Variants in HECW1 observed in about 807,000 individuals in gnomAD.
The protein encoded by HECW1 is E3 ubiquitin-protein ligase HECW1.
HECW1 carries 61 observed loss-of-function variants against 182.3 expected under a neutral mutation model. The observed-to-expected ratio is 0.33, with a 90% CI of 0.27 to 0.41. The LOEUF (loss-of-function observed/expected upper bound fraction) is 0.41. HECW1 is among the 10% of genes least tolerant of loss of function. HECW1 has a pLI of 1.00. For missense variants in HECW1, 1,739 were observed against 2,108.9 expected, an observed-to-expected ratio of 0.82 and a Z score of 3.44; for synonymous variants, 859 against 832.6, an observed-to-expected ratio of 1.03 and a Z score of -0.55.
At chr7:43,260,915 A>G (rs932348021) in intron 3 of HECW1, among the ~76,000 whole-genome samples, 1 of 152,226 alleles carries the variant, frequency 6.6e-6, no homozygotes, top group African/African-American at 2.4e-5. Context: ...TGTGCCAAGC[A>G]CTATTCTAAG....
intron 2 of HECW1, among the ~76,000 whole-genome samples, chr7:43,173,442 C>T (rs2152669190): frequency 6.6e-6 from 1 of 152,298 alleles, no homozygotes; most frequent in East Asian, 1.9e-4. Flanking sequence ...ATAAAGTTCT[C>T]TAGGGCAGCA....
In HECW1 at chr7:43,463,789, G is replaced by C; in HGVS notation, c.2781G>C (p.Gln927His). 1.2e-6 allele frequency: 2 copies of C among 1,613,946 alleles called. No individual in the cohort carries two copies. The highest frequency in any genetic ancestry group is 1.7e-6 in the Non-Finnish European group (2 of 1,179,982). Reference sequence around the variant, plus strand: ...GTGACTCAGAAGCCGAATCTTCCCAGTCCAGCTTAGGTATTGGAGGAGGGG... The same window carrying C: ...GTGACTCAGAAGCCGAATCTTCCCACTCCAGCTTAGGTATTGGAGGAGGGG... ...GGSDSEAESS[Q>H]SSLDLRREGS... The change falls in exon 14 of 30, where the codon CAG becomes CAC. Residue 927 changes from glutamine (Q) to histidine (H), a missense_variant. Gln to His is a conservative substitution (Grantham distance 24, BLOSUM62 0). Coordinates refer to ENST00000395891, the MANE Select transcript of HECW1 (RefSeq NM_015052.5).
chr7:43,541,441 G>T (rs920821119), intron 25 of HECW1, among the ~76,000 whole-genome samples, 180 bp downstream of exon 25: 3 of 152,166 alleles, frequency 2.0e-5, no homozygotes, highest in African/African-American at 4.8e-5. Flanking sequence ...CAATAAAAAG[G>T]TATTTGGGGA....
intron 21 of HECW1, among the ~76,000 whole-genome samples, chr7:43,501,544 T>C (rs1443459716): frequency 6.6e-6 from 1 of 151,952 alleles, no homozygotes; most frequent in Non-Finnish European, 1.5e-5. Flanking sequence ...GGGAAAAAAA[T>C]GTTTTGCTGG....
chr7:43,245,069 C>T (rs933397357), intron 3 of HECW1, among the ~76,000 whole-genome samples: 1 of 152,208 alleles, frequency 6.6e-6, no homozygotes, highest in Non-Finnish European at 1.5e-5. Context: ...ATGAGCATAG[C>T]ATGTGTTGGA....
intron 26 of HECW1, among the ~76,000 whole-genome samples, chr7:43,542,472 A>G (rs2081399302): frequency 6.6e-6 from 1 of 151,392 alleles, no homozygotes; most frequent in South Asian, 2.1e-4. Flanking sequence ...ATATGTATAT[A>G]AAATATTCCT....
In HECW1 at chr7:43,445,104, G is replaced by A. The variant is rs1344103482; in HGVS notation, c.1932G>A (p.Ala644=). ...GGHFPSLANG[A]AQDGDTHPST... ...ACTTCCCCAGCCTGGCCAATGGCGC[G>A]GCCCAGGATGGCGACACGCACCCCA... is the stretch of plus-strand genomic sequence containing the variant. The change falls in exon 11 of 30, where the codon GCG becomes GCA. Residue 644 remains alanine (A), a synonymous_variant. Transcript: ENST00000395891. The A allele has an allele frequency of 3.1e-6, 5 of 1,606,074 alleles. No individual in the cohort carries two copies. Among genetic ancestry groups the A allele is most frequent in the South Asian group, 1.1e-5 (1 of 90,768 alleles).
At chr7:43,292,703 A>G (rs73689973) in intron 3 of HECW1, among the ~76,000 whole-genome samples, 4,757 of 152,256 alleles carry the variant, frequency 0.031, 205 homozygotes, top group African/African-American at 0.1. Context: ...CATGTCACCC[A>G]GCACCCGGGG....
intron 24 of HECW1, among the ~76,000 whole-genome samples, chr7:43,525,033 T>G (rs368228857): frequency 2.0e-5 from 3 of 152,330 alleles, no homozygotes; most frequent in African/African-American, 7.2e-5. Context: ...GGATTAAAAA[T>G]TATGCTTTAT....
chr7:43,128,409 T>C (rs1786519037), intron 2 of HECW1, among the ~76,000 whole-genome samples: 1 of 152,212 alleles, frequency 6.6e-6, no homozygotes, highest in South Asian at 2.1e-4. Context: ...TTGCCTGTGC[T>C]CTGTAAATGG....
chr7:43,477,100 T>G (rs2078245877), intron 16 of HECW1, among the ~76,000 whole-genome samples: 1 of 152,122 alleles, frequency 6.6e-6, no homozygotes, highest in Non-Finnish European at 1.5e-5. Flanking sequence ...TGTTTTTCTT[T>G]TGTAGATTCC....
intron 5 of HECW1, among the ~76,000 whole-genome samples, chr7:43,325,803 C>T (rs1810689629): frequency 2.0e-5 from 3 of 152,186 alleles, no homozygotes; most frequent in South Asian, 4.1e-4. Flanking sequence ...TCTTGCCCCT[C>T]GTTTCCTCGT....
rs1304079749 is a variant in HECW1, at chr7:43,488,440, G to GAAAGAA, written c.3235-3633_3235-3628dup. 3.5e-3 allele frequency among the ~76,000 whole-genome samples: 423 copies of GAAAGAA among 121,234 alleles called. 7 individuals carry two copies. Among genetic ancestry groups the GAAAGAA allele is most frequent in the African/African-American group, 0.013 (409 of 30,338 alleles). 79.5% of individuals were successfully genotyped at this position (121,234 alleles called of 152,430 possible). ...AGAGAGAGAAAGAAAGAAAGAGAAAGAAAGAAAGAAAGAAAGAAAGAAAGA... is the reference window on the plus strand; with the variant it reads ...AGAGAGAGAAAGAAAGAAAGAGAAAGAAAGAAAAAGAAAGAAAGAAAGAAAGAAAGA... On this transcript the variant is annotated intron_variant, in intron 17 of 29. Transcript: ENST00000395891.
rs1190266915 is a variant in HECW1, at chr7:43,535,761, C to A, written c.4020-5402C>A. On this transcript the variant is annotated intron_variant, in intron 24 of 29. Coordinates refer to ENST00000395891, the MANE Select transcript of HECW1 (RefSeq NM_015052.5). ...CTACGTATGTATGCCCCTGCTCTCA[C>A]CAACTGGTAATCAGGGGAAGAGTCA... is the stretch of plus-strand genomic sequence containing the variant. Among the ~76,000 whole-genome samples the A allele has an allele frequency of 1.4e-4, 21 of 152,172 alleles. 1 individual carries two copies. The highest frequency in any genetic ancestry group is 1.2e-3 in the Admixed American group (18 of 15,280).
chr7:43,291,313 C>G (rs1805377027), intron 3 of HECW1, among the ~76,000 whole-genome samples: 1 of 152,300 alleles, frequency 6.6e-6, no homozygotes. Flanking sequence ...TTGGCTGGAG[C>G]TAGACTTCAC....
intron 2 of HECW1, among the ~76,000 whole-genome samples, chr7:43,129,196 C>T (rs1316884220): frequency 6.6e-6 from 1 of 152,184 alleles, no homozygotes; most frequent in Non-Finnish European, 1.5e-5. Flanking sequence ...CAAACAGCAT[C>T]ACATGCTACA....
At chr7:43,144,429 CTG>C (rs1788482445) in intron 2 of HECW1, among the ~76,000 whole-genome samples, 1 of 152,158 alleles carries the variant, frequency 6.6e-6, no homozygotes, top group Admixed American at 6.5e-5. Context: ...AGTAGGAAGT[CTG>C]TTCTTCCTCC....
chr7:43,173,216 G>A (rs1265390374), intron 2 of HECW1, among the ~76,000 whole-genome samples: 2 of 152,102 alleles, frequency 1.3e-5, no homozygotes, highest in African/African-American at 4.8e-5. Flanking sequence ...ACCTGCAAAT[G>A]GTGACTAAAA....
chr7:43,404,325 T>A (rs1047840357), intron 7 of HECW1, among the ~76,000 whole-genome samples: 2 of 152,202 alleles, frequency 1.3e-5, no homozygotes, highest in African/African-American at 2.4e-5. Flanking sequence ...TGCTCTTGAG[T>A]AGAAGTCTCC....
Sources: gnomAD v4.1 joint callset for allele counts (sites outside exome capture counted in the v4.1 genomes callset) on GRCh38, gnomAD v4.1.1 for gene constraint, MANE v1.5 for transcripts, NCBI Gene and HGNC (gene_info 2026-07-23, HGNC 2026-07-21) for gene names.